The following HPS1 variants were observed in gnomAD, a reference collection of about 807,000 sequenced individuals.
The protein encoded by HPS1 is BLOC-3 complex member HPS1.
HPS1 carries 59 observed loss-of-function variants against 90.6 expected under a neutral mutation model. That is an observed-to-expected ratio of 0.65 (90% CI 0.53 to 0.81). The LOEUF (loss-of-function observed/expected upper bound fraction) is 0.81. HPS1 is among the 30% of genes least tolerant of loss of function. The pLI is 0.00. For missense variants in HPS1, 849 were observed against 896.7 expected, an observed-to-expected ratio of 0.95 and a Z score of 0.68; for synonymous variants, 388 against 384.4, an observed-to-expected ratio of 1.01 and a Z score of -0.11.
intron 17 of HPS1, 135 bp downstream of exon 17, chr10:98,422,234 C>A (rs1386193711): frequency 4.5e-6 from 4 of 882,772 alleles, no homozygotes; most frequent in East Asian, 5.0e-5. Context: ...TTTATTTATG[C>A]CGGCACTGGC....
intron 13 of HPS1, 112 bp downstream of exon 13, chr10:98,425,429 A>C: frequency 9.8e-7 from 1 of 1,023,334 alleles, no homozygotes; most frequent in Non-Finnish European, 1.5e-6. Context: ...GGGGAGGTGG[A>C]GCCCGGACAG....
intron 17 of HPS1, among the ~76,000 whole-genome samples, chr10:98,420,716 A>G (rs907722997): frequency 1.3e-5 from 2 of 152,086 alleles, no homozygotes; most frequent in African/African-American, 4.8e-5. Context: ...ACCCTGTCTC[A>G]AAAAATAATA....
At chr10:98,429,999 C>T (rs1846194520) in intron 8 of HPS1, 110 bp from the exon 9 acceptor site, 2 of 925,822 alleles carry the variant, frequency 2.2e-6, no homozygotes, top group South Asian at 3.0e-5. Context: ...ACCCCTCCAC[C>T]CGTTCCGGGT....
At position 98,423,753 on chromosome 10, in the gene HPS1, C is replaced by T. The variant is rs202101152; in HGVS notation, c.1532G>A (p.Arg511Gln). The change falls in exon 15 of 20, where the codon CGG becomes CAG. Residue 511 changes from arginine (R) to glutamine (Q), a missense_variant and splice_region_variant. Arg to Gln is a conservative substitution (Grantham distance 43). Coordinates refer to ENST00000361490, the MANE Select transcript of HPS1 (RefSeq NM_000195.5). ...ACCCAGGGGGCCGCACTGCACTTAC[C>T]GCATGAGCCTCTGCACTTGGTCCTG... ...HLQDQVQRLM[R>Q]EKLTDWKDFL... 4.3e-5 allele frequency: 70 copies of T among 1,614,114 alleles called. 2 individuals carry two copies. In the South Asian group the frequency reaches 6.1e-4, roughly 14 times the overall value.
chr10:98,433,763 A>G (rs1392379932), intron 6 of HPS1, among the ~76,000 whole-genome samples: 2 of 152,238 alleles, frequency 1.3e-5, no homozygotes, highest in Admixed American at 6.5e-5. Context: ...AAATTGCATT[A>G]AAAGTATGTG....
Position 98,417,851 on chromosome 10 carries a change from G to T in HPS1, c.1941-125C>A. ...CGGTCATCTCACTAGGCCCCTGCAT[G>T]TGGGCCTTGACAACCGCTCCGGTTC... On this transcript the variant is annotated intron_variant, in intron 19 of 19. Transcript: ENST00000361490. The surrounding 1 kb of genome is among the most constrained non-coding windows in gnomAD (Gnocchi z 4.2). 1.1e-6 allele frequency: 1 copy of T among 898,174 alleles called. No homozygotes were observed. The allele number at this position is 898,174 out of a possible 1,614,324, so 55.6% of individuals were successfully genotyped here.
chr10:98,421,979 GACAC>G (rs200573934), intron 17 of HPS1, among the ~76,000 whole-genome samples: 2,336 of 139,996 alleles, frequency 0.017, 33 homozygotes, highest in East Asian at 0.032. Flanking sequence ...CACACACACA[GACAC>G]ACACACACAC....
At chr10:98,432,929 AT>A (rs1846694562) in intron 6 of HPS1, among the ~76,000 whole-genome samples, 1 of 152,120 alleles carries the variant, frequency 6.6e-6, no homozygotes, top group East Asian at 1.9e-4. Context: ...GCACCTGGGA[AT>A]TTTTTAGAAA....
chr10:98,443,722 A>C (rs982458043), intron 2 of HPS1, among the ~76,000 whole-genome samples: 1 of 152,142 alleles, frequency 6.6e-6, no homozygotes, highest in African/African-American at 2.4e-5. Flanking sequence ...GTCCAGAGAT[A>C]TCTCTCCCTC....
At position 98,418,104 on chromosome 10, in the gene HPS1, T is replaced by C. The variant is rs527652588; in HGVS notation, c.1940+71A>G. On this transcript the variant is annotated intron_variant, in intron 19 of 19. Coordinates refer to ENST00000361490, the MANE Select transcript of HPS1 (RefSeq NM_000195.5). ...AGGGCACTGCTGAAGCAGAAGCTGC[T>C]CCCGGCAGAGGCGAGCACTTATCAC... is the stretch of plus-strand genomic sequence containing the variant. 31 of 1,011,082 alleles carry C rather than the reference T, an allele frequency of 3.1e-5. No homozygotes were observed. The African/African-American group carries it at 4.5e-4, about 15-fold the overall frequency. The allele number at this position is 1,011,082 out of a possible 1,614,324, so 62.6% of individuals were successfully genotyped here. A position where few individuals can be genotyped will look rare whatever the true frequency, so the allele number is the denominator to read the frequency against.
rs761715939 is a variant in HPS1, at chr10:98,435,756, T to C, written c.134A>G (p.Asp45Gly). ...CGGGGCTAGGAGGGTGCTGAGCTGG[T>C]CCTCCAGGGCAGGGAGCTGCAAAAA... ...NEEEELPALE[D>G]QLSTLLAPVI... The change falls in exon 4 of 20, where the codon GAC (aspartate) becomes GGC (glycine). Residue 45 changes from aspartate to glycine, a missense_variant. Transcript: ENST00000361490. The surrounding 1 kb of genome is among the most constrained non-coding windows in gnomAD (Gnocchi z 4.3). 4 of 1,614,102 alleles carry C rather than the reference T, an allele frequency of 2.5e-6. No individual in the cohort carries two copies. The South Asian group carries it at 3.3e-5, about 13-fold the overall frequency.
chr10:98,423,983 A>T, intron 14 of HPS1, 96 bp from the exon 15 acceptor site: 6 of 1,496,812 alleles, frequency 4.0e-6, no homozygotes, highest in Non-Finnish European at 5.5e-6. Flanking sequence ...GGACAGACAG[A>T]CCTGGGGAGC....
chr10:98,439,457 G>T (rs1591140480), intron 3 of HPS1, among the ~76,000 whole-genome samples: 3 of 152,322 alleles, frequency 2.0e-5, no homozygotes, highest in Admixed American at 2.0e-4. Flanking sequence ...TAGAGTCAAA[G>T]GAGATCATTT....
intron 3 of HPS1, among the ~76,000 whole-genome samples, chr10:98,441,238 C>A (rs546579239): frequency 5.3e-5 from 8 of 152,288 alleles, no homozygotes; most frequent in African/African-American, 1.9e-4. Flanking sequence ...AAATAAATTA[C>A]TCCTTTAAAA....
chr10:98,444,431 G>C (rs1939088915), intron 2 of HPS1, among the ~76,000 whole-genome samples: 1 of 152,210 alleles, frequency 6.6e-6, no homozygotes, highest in South Asian at 2.1e-4. Context: ...GACCAGGCTG[G>C]TGAGGACAGT....
At chr10:98,426,028 G>C in intron 11 of HPS1, 43 bp from the exon 12 acceptor site, 1 of 1,572,250 alleles carries the variant, frequency 6.4e-7, no homozygotes, top group Non-Finnish European at 8.7e-7. Context: ...GGATCCCTAA[G>C]TTGGACCCAC....
chr10:98,424,890 C>T (rs1416990146), intron 13 of HPS1, among the ~76,000 whole-genome samples: 1 of 152,166 alleles, frequency 6.6e-6, no homozygotes, highest in Non-Finnish European at 1.5e-5. Flanking sequence ...AGCCTTCAGA[C>T]TGACAGGCAC....
At chr10:98,415,172 T>G, downstream of HPS1, 1 of 1,602,990 alleles carries the variant, frequency 6.2e-7, no homozygotes, top group Middle Eastern at 1.7e-4. Flanking sequence ...GCAGGGAGTT[T>G]GCTAGCGATT....
intron 3 of HPS1, among the ~76,000 whole-genome samples, chr10:98,436,557 TCCTC>T (rs34254247): frequency 0.28 from 42,017 of 151,962 alleles, 6,525 homozygotes; most frequent in East Asian, 0.41. Context: ...GATAAGCTCT[TCCTC>T]CATCCATTCT....
Sources: gnomAD v4.1 joint callset for allele counts (sites outside exome capture counted in the v4.1 genomes callset) on GRCh38, gnomAD v4.1.1 for gene constraint, Gnocchi (gnomAD v3.1) non-coding constraint, MANE v1.5 for transcripts, NCBI Gene and HGNC (gene_info 2026-07-23, HGNC 2026-07-21) for gene names.